The following PPP1R1C variants were observed in gnomAD, a reference collection of about 807,000 sequenced individuals.
PPP1R1C encodes protein phosphatase 1 regulatory subunit 1C.
A neutral mutation model predicts 17.4 loss-of-function variants in PPP1R1C; 15 were observed. The observed-to-expected ratio is 0.86, with a 90% CI of 0.58 to 1.33. The LOEUF (loss-of-function observed/expected upper bound fraction) is 1.33. Ranked by LOEUF, PPP1R1C falls within the 40% of genes most tolerant of loss-of-function variation. PPP1R1C has a pLI of 0.00. For synonymous variants in PPP1R1C, 35 were observed against 43.1 expected, an observed-to-expected ratio of 0.81 and a Z score of 0.73; for missense variants, 143 against 130.0, an observed-to-expected ratio of 1.10 and a Z score of -0.48.
At chr2:182,123,681 C>T (rs570335109) in intron 5 of PPP1R1C, among the ~76,000 whole-genome samples, 1 of 152,310 alleles carries the variant, frequency 6.6e-6, no homozygotes, top group South Asian at 2.1e-4. Flanking sequence ...GTATCCTTTG[C>T]CCACTTTTTG....
chr2:182,128,784 A>C (rs1304506390), intron 5 of PPP1R1C, among the ~76,000 whole-genome samples: 1 of 152,084 alleles, frequency 6.6e-6, no homozygotes, highest in Non-Finnish European at 1.5e-5. Flanking sequence ...AAAATTTAGA[A>C]GTTCTTCCAG....
chr2:182,034,922 C>A (rs1686957044), intron 2 of PPP1R1C, among the ~76,000 whole-genome samples: 1 of 152,204 alleles, frequency 6.6e-6, no homozygotes, highest in Non-Finnish European at 1.5e-5. Context: ...TTGAACTGTA[C>A]TCCTGTGGCT....
At chr2:182,055,215 G>A (rs1420032295) in intron 2 of PPP1R1C, among the ~76,000 whole-genome samples, 3 of 151,960 alleles carry the variant, frequency 2.0e-5, no homozygotes, top group Non-Finnish European at 4.4e-5. Context: ...ATCACAGTTT[G>A]CTGGTGCCAA....
At chr2:182,122,188 T>A (rs993005282), downstream of PPP1R1C, among the ~76,000 whole-genome samples, 24 of 151,600 alleles carry the variant, frequency 1.6e-4, no homozygotes, top group Admixed American at 7.2e-4. Context: ...CCCTTTATTC[T>A]TCCCAGAGTT....
chr2:181,992,195 A>G lies in PPP1R1C; in HGVS notation c.142+4296A>G, dbSNP rs1238420141. Among the ~76,000 whole-genome samples, 2 of 77,036 alleles carry G rather than the reference A, an allele frequency of 2.6e-5. 1 individual carries two copies. Among genetic ancestry groups the G allele is most frequent in the Non-Finnish European group, 6.3e-5 (2 of 31,730 alleles). 50.5% of individuals were successfully genotyped at this position (77,036 alleles called of 152,430 possible). On this transcript the variant is annotated intron_variant, in intron 2 of 4. Transcript: ENST00000682840. Reference sequence around the variant, plus strand: ...AATCCATAATTAACCGGGCTTTTCAACTCCAGCTCTGATAATTTCAGATGT... The same window carrying G: ...AATCCATAATTAACCGGGCTTTTCAGCTCCAGCTCTGATAATTTCAGATGT...
At chr2:181,955,802 A>G (rs1684660942) in intron 1 of PPP1R1C, among the ~76,000 whole-genome samples, 1 of 152,214 alleles carries the variant, frequency 6.6e-6, no homozygotes, top group Non-Finnish European at 1.5e-5. Flanking sequence ...TCTAGCACAC[A>G]GAGATAAGCG....
At chr2:182,026,012 G>C (rs1487671336) in intron 2 of PPP1R1C, among the ~76,000 whole-genome samples, 1 of 133,814 alleles carries the variant, frequency 7.5e-6, no homozygotes, top group Non-Finnish European at 1.6e-5. Flanking sequence ...GTCTTCTTTT[G>C]AGAAGTGTCT....
At chr2:182,109,044 ACT>A (rs1323060505) in intron 4 of PPP1R1C, among the ~76,000 whole-genome samples, 1 of 152,060 alleles carries the variant, frequency 6.6e-6, no homozygotes. Flanking sequence ...GATTTCAGCC[ACT>A]CTCATAGGTG....
At chr2:182,123,538 C>T (rs192372609) in intron 5 of PPP1R1C, among the ~76,000 whole-genome samples, 31 of 152,240 alleles carry the variant, frequency 2.0e-4, no homozygotes, top group Non-Finnish European at 4.1e-4. Flanking sequence ...TTTTAATGAT[C>T]GCCATTTTAA....
chr2:182,081,715 C>A (rs925532783), intron 4 of PPP1R1C, among the ~76,000 whole-genome samples: 7 of 152,106 alleles, frequency 4.6e-5, no homozygotes, highest in Non-Finnish European at 1.0e-4. Context: ...AATAAAAACT[C>A]CTGCACTTAG....
At chr2:182,028,962 T>G (rs549899220) in intron 2 of PPP1R1C, among the ~76,000 whole-genome samples, 48 of 133,542 alleles carry the variant, frequency 3.6e-4, no homozygotes, top group African/African-American at 1.2e-3. Context: ...TTTACCATTA[T>G]GTAATGGCCT....
intron 2 of PPP1R1C, among the ~76,000 whole-genome samples, chr2:182,036,703 TTGTGTGTG>T (rs948003275): frequency 1.3e-5 from 2 of 150,916 alleles, no homozygotes; most frequent in African/African-American, 4.9e-5. Flanking sequence ...CTCTATGTGT[TTGTGTGTG>T]TGTGTGTGTA....
At chr2:182,096,485 T>C (rs1422307471) in intron 4 of PPP1R1C, among the ~76,000 whole-genome samples, 1 of 152,170 alleles carries the variant, frequency 6.6e-6, no homozygotes, top group African/African-American at 2.4e-5. Flanking sequence ...AGATCAAATT[T>C]CTTAGCTTAG....
chr2:182,108,678 A>T (rs1341438191), intron 4 of PPP1R1C, among the ~76,000 whole-genome samples: 13 of 152,124 alleles, frequency 8.5e-5, no homozygotes, highest in Non-Finnish European at 1.0e-4. Flanking sequence ...TTAGTTAATG[A>T]TTATTCCATT....
At chr2:182,038,432 A>G (rs1687078624) in intron 2 of PPP1R1C, among the ~76,000 whole-genome samples, 1 of 152,170 alleles carries the variant, frequency 6.6e-6, no homozygotes, top group African/African-American at 2.4e-5. Flanking sequence ...CTTCTGTCTC[A>G]ATATTTGCAT....
chr2:182,100,645 A>C (rs1401836236), intron 4 of PPP1R1C, among the ~76,000 whole-genome samples: 1 of 152,208 alleles, frequency 6.6e-6, no homozygotes, highest in African/African-American at 2.4e-5. Flanking sequence ...AGTGAAAACC[A>C]ACACCCAGGA....
At chr2:182,037,174 C>T (rs1011730735) in intron 2 of PPP1R1C, among the ~76,000 whole-genome samples, 1 of 152,086 alleles carries the variant, frequency 6.6e-6, no homozygotes, top group African/African-American at 2.4e-5. Context: ...AAAACAAAAA[C>T]AAACAAAAAA....
In PPP1R1C at chr2:182,078,278, C is replaced by A. The variant is rs543549519; in HGVS notation, c.241+14487C>A. Among the ~76,000 whole-genome samples the A allele has an allele frequency of 2.0e-5, 3 of 152,202 alleles. No homozygotes were observed. In the South Asian group the frequency reaches 6.2e-4, roughly 32 times the overall value. ...TTTATGATTATTAAATTGTGAGCCA[C>A]CTTACTCACCATCTGTCTTTAATCA... On this transcript the variant is annotated intron_variant, in intron 4 of 4. Coordinates refer to ENST00000682840, the MANE Select transcript of PPP1R1C (RefSeq NM_001080545.3).
intron 2 of PPP1R1C, among the ~76,000 whole-genome samples, chr2:182,046,719 C>CA (rs1229291988): frequency 1.4e-5 from 2 of 146,800 alleles, no homozygotes; most frequent in African/African-American, 5.1e-5. Flanking sequence ...AGCCTGGCAA[C>CA]AGAGCGAGTC....
Sources: gnomAD v4.1 joint callset for allele counts (sites outside exome capture counted in the v4.1 genomes callset) on GRCh38, gnomAD v4.1.1 for gene constraint, MANE v1.5 for transcripts, NCBI Gene and HGNC (gene_info 2026-07-23, HGNC 2026-07-21) for gene names.